The following RPH3A variants were observed in gnomAD, a reference collection of about 807,000 sequenced individuals.
The protein encoded by RPH3A is rabphilin-3A.
In RPH3A, 48 loss-of-function variants were observed where a neutral mutation model predicts 102.2. That is an observed-to-expected ratio of 0.47 (90% CI 0.37 to 0.60). The LOEUF (loss-of-function observed/expected upper bound fraction) is 0.60, where lower values mean the gene tolerates loss of function less well. Ranked by LOEUF, RPH3A falls within the 20% of genes least tolerant of loss-of-function variation. The pLI is 0.00. For missense variants in RPH3A, 781 were observed against 910.1 expected, an observed-to-expected ratio of 0.86 and a Z score of 1.83; for synonymous variants, 310 against 324.3, an observed-to-expected ratio of 0.96 and a Z score of 0.47.
intron 2 of RPH3A, among the ~76,000 whole-genome samples, chr12:112,797,689 A>G (rs1206608034): frequency 6.6e-6 from 1 of 150,690 alleles, no homozygotes; most frequent in Non-Finnish European, 1.5e-5. Context: ...AGTGAATGAA[A>G]AAAAAAATTT....
At chr12:112,663,738 A>G (rs1218254909) in intron 1 of RPH3A, among the ~76,000 whole-genome samples, 1 of 152,100 alleles carries the variant, frequency 6.6e-6, no homozygotes, top group African/African-American at 2.4e-5. Flanking sequence ...AGTCCAGACC[A>G]ATACACCCCC....
intron 1 of RPH3A, among the ~76,000 whole-genome samples, chr12:112,686,818 T>C (rs1278592639): frequency 1.3e-5 from 2 of 152,236 alleles, no homozygotes; most frequent in Admixed American, 6.5e-5. Context: ...GCTCTATACA[T>C]TTTCAGTTTT....
At chr12:112,842,933 C>G (rs530842805) in intron 4 of RPH3A, among the ~76,000 whole-genome samples, 1 of 152,268 alleles carries the variant, frequency 6.6e-6, no homozygotes, top group Admixed American at 6.5e-5. Flanking sequence ...GCACATACTG[C>G]CAAGAAGTGT....
intron 1 of RPH3A, among the ~76,000 whole-genome samples, chr12:112,702,731 C>A (rs1214938395): frequency 1.3e-5 from 2 of 152,212 alleles, no homozygotes; most frequent in African/African-American, 4.8e-5. Context: ...AGGAGCCCCC[C>A]AAAAATGTTC....
chr12:112,664,369 CA>C (rs2136005217), intron 1 of RPH3A, among the ~76,000 whole-genome samples: 1 of 152,182 alleles, frequency 6.6e-6, no homozygotes, highest in South Asian at 2.1e-4. Flanking sequence ...GTTCTCTCTC[CA>C]GAAAGTAGTT....
chr12:112,851,033 C>T (rs1349487944), intron 5 of RPH3A: 1 of 152,198 alleles, frequency 6.6e-6, no homozygotes, highest in Non-Finnish European at 1.5e-5. Context: ...CCCCATGATG[C>T]TGAATGTTCT....
At chr12:112,870,638 T>G (rs891525211) in intron 10 of RPH3A, among the ~76,000 whole-genome samples, 1 of 152,202 alleles carries the variant, frequency 6.6e-6, no homozygotes, top group African/African-American at 2.4e-5. Context: ...AGCGGCTTCA[T>G]TTCTTTTGCA....
At chr12:112,715,797 A>G (rs542736118) in intron 1 of RPH3A, among the ~76,000 whole-genome samples, 26 of 152,354 alleles carry the variant, frequency 1.7e-4, no homozygotes, top group African/African-American at 6.0e-4. Context: ...AAGCCCATAC[A>G]GTAAAGTGAA....
chr12:112,623,570 C>T (rs233705), intron 1 of RPH3A, among the ~76,000 whole-genome samples: 9 of 46,020 alleles, frequency 2.0e-4, no homozygotes, highest in Non-Finnish European at 3.2e-4. Context: ...AAGTCCTGAG[C>T]GACCTACAAA....
chr12:112,622,576 G>A (rs1414366204), intron 1 of RPH3A, among the ~76,000 whole-genome samples: 9 of 149,752 alleles, frequency 6.0e-5, no homozygotes, highest in Non-Finnish European at 8.9e-5. Flanking sequence ...CCAAATGTAC[G>A]TCTGATTGGT....
chr12:112,785,925 T>C (rs918687677), intron 1 of RPH3A, among the ~76,000 whole-genome samples: 1 of 152,186 alleles, frequency 6.6e-6, no homozygotes, highest in African/African-American at 2.4e-5. Context: ...CAGTAGAAAC[T>C]TAGTAAATGG....
intron 1 of RPH3A, among the ~76,000 whole-genome samples, chr12:112,766,726 C>T (rs1239797111): frequency 6.6e-6 from 1 of 152,174 alleles, no homozygotes; most frequent in Non-Finnish European, 1.5e-5. Context: ...CTCTCTGTGT[C>T]ATCCTGAGAG....
intron 1 of RPH3A, among the ~76,000 whole-genome samples, chr12:112,630,244 C>T (rs1437437096): frequency 6.6e-6 from 1 of 152,136 alleles, no homozygotes; most frequent in Non-Finnish European, 1.5e-5. Flanking sequence ...TATTGAGATG[C>T]TTTTCCCATA....
chr12:112,605,680 C>T (rs1280986538), intron 1 of RPH3A, among the ~76,000 whole-genome samples: 3 of 152,224 alleles, frequency 2.0e-5, no homozygotes, highest in African/African-American at 7.2e-5. Context: ...GCCCAGCTTT[C>T]ATCCATTATA....
At chr12:112,889,674 C>T (rs1385198450) in intron 17 of RPH3A, among the ~76,000 whole-genome samples, 3 of 152,168 alleles carry the variant, frequency 2.0e-5, no homozygotes, top group Admixed American at 6.5e-5. Context: ...GCCACTTCAA[C>T]CAGAGAAAAT....
At chr12:112,601,258 T>C (rs2039557184) in intron 1 of RPH3A, among the ~76,000 whole-genome samples, 2 of 152,220 alleles carry the variant, frequency 1.3e-5, no homozygotes, top group Non-Finnish European at 2.9e-5. Flanking sequence ...TATTATTATC[T>C]TCATGTTCTT....
At chr12:112,883,722 A>G (rs997658067) in intron 16 of RPH3A, among the ~76,000 whole-genome samples, 12 of 152,170 alleles carry the variant, frequency 7.9e-5, no homozygotes, top group African/African-American at 2.7e-4. Flanking sequence ...AAAAATGTTT[A>G]TTACAATAGA....
chr12:112,589,581 TG>T (rs2039461991), intron 1 of RPH3A, among the ~76,000 whole-genome samples: 1 of 152,192 alleles, frequency 6.6e-6, no homozygotes, highest in African/African-American at 2.4e-5. Context: ...CTGACCAACC[TG>T]TTTAACATTA....
chr12:112,843,797 G>A (rs2136183109), intron 4 of RPH3A, among the ~76,000 whole-genome samples: 1 of 152,300 alleles, frequency 6.6e-6, no homozygotes, highest in African/African-American at 2.4e-5. Flanking sequence ...GGCAAATAAG[G>A]GAGAATTAGG....
Sources: gnomAD v4.1 joint callset for allele counts (sites outside exome capture counted in the v4.1 genomes callset) on GRCh38, gnomAD v4.1.1 for gene constraint, MANE v1.5 for transcripts, NCBI Gene and HGNC (gene_info 2026-07-23, HGNC 2026-07-21) for gene names.